Variants in LRMDA observed in about 807,000 individuals in gnomAD.
LRMDA encodes the protein leucine rich melanocyte differentiation associated.
In LRMDA, 18 loss-of-function variants were observed where a neutral mutation model predicts 29.8. The ratio of observed to expected loss-of-function variants is 0.60; its 90% CI spans 0.42 to 0.90. The LOEUF is 0.90. LRMDA is among the 40% of genes least tolerant of loss of function. The probability of loss-of-function intolerance (pLI) is 0.00; values close to 1 mark genes in which losing one functional copy is unlikely to be tolerated. For synonymous variants in LRMDA, 125 were observed against 109.4 expected (o/e 1.14, Z -0.89); for missense variants, 273 against 273.9 (o/e 1.00, Z 0.02).
At chr10:76,433,590 G>C (rs1245886217) in intron 6 of LRMDA, 2 of 152,208 alleles carry the variant, frequency 1.3e-5, no homozygotes, top group African/African-American at 4.8e-5. Context: ...TTCTGTGAAA[G>C]ACCAAAGACT....
intron 6 of LRMDA, among the ~76,000 whole-genome samples, chr10:76,390,125 A>G (rs1384120363): frequency 6.6e-6 from 1 of 152,146 alleles, no homozygotes; most frequent in Non-Finnish European, 1.5e-5. Context: ...CATGATTCCA[A>G]TTATTCCACA....
chr10:76,214,909 G>GA (rs754786085), intron 5 of LRMDA, among the ~76,000 whole-genome samples: 2 of 152,198 alleles, frequency 1.3e-5, no homozygotes, highest in Non-Finnish European at 2.9e-5. Context: ...GGGAACAGCA[G>GA]AACTCTCCAT....
chr10:76,082,739 T>G (rs1473047748), intron 5 of LRMDA, among the ~76,000 whole-genome samples: 1 of 152,214 alleles, frequency 6.6e-6, no homozygotes, highest in Admixed American at 6.5e-5. Context: ...CATGCCCTAC[T>G]GGTAGAGTTA....
At chr10:76,370,933 C>G (rs917685482) in intron 6 of LRMDA, among the ~76,000 whole-genome samples, 9 of 152,020 alleles carry the variant, frequency 5.9e-5, no homozygotes, top group African/African-American at 1.9e-4. Flanking sequence ...CCTCTACAGA[C>G]AAAGGGGGAC....
At chr10:76,063,080 T>G (rs1848728863) in intron 5 of LRMDA, among the ~76,000 whole-genome samples, 1 of 152,234 alleles carries the variant, frequency 6.6e-6, no homozygotes, top group African/African-American at 2.4e-5. Context: ...TTCTTTGACA[T>G]AATTATTTAA....
At chr10:75,758,270 C>T (rs1286085635) in intron 2 of LRMDA, among the ~76,000 whole-genome samples, 2 of 152,236 alleles carry the variant, frequency 1.3e-5, no homozygotes, top group East Asian at 1.9e-4. Context: ...GAAGGGCCAG[C>T]TGGGCTCCCT....
At chr10:76,191,199 A>C (rs1291150379) in intron 5 of LRMDA, among the ~76,000 whole-genome samples, 1 of 152,182 alleles carries the variant, frequency 6.6e-6, no homozygotes, top group South Asian at 2.1e-4. Flanking sequence ...TCAGAGCTGT[A>C]ATGGCGGTAA....
At chr10:75,508,211 C>G (rs997788793) in intron 2 of LRMDA, among the ~76,000 whole-genome samples, 2 of 152,186 alleles carry the variant, frequency 1.3e-5, no homozygotes, top group Middle Eastern at 3.4e-3. Context: ...CTGGCTTGGC[C>G]CTTTTGATAC....
chr10:75,816,378 G>A (rs977990374), intron 2 of LRMDA, among the ~76,000 whole-genome samples: 2 of 152,128 alleles, frequency 1.3e-5, no homozygotes, highest in Non-Finnish European at 2.9e-5. Flanking sequence ...TGACTGCCAT[G>A]TTGTGCTGTG....
chr10:76,168,345 A>G (rs1032690322), intron 5 of LRMDA, among the ~76,000 whole-genome samples: 1 of 151,344 alleles, frequency 6.6e-6, no homozygotes, highest in African/African-American at 2.5e-5. Flanking sequence ...CAGATTTCCT[A>G]TGTTGATTGG....
rs188247578 is a variant in LRMDA at position 75,856,238 on chromosome 10, C to A, written c.132-179770C>A. ...CATTTGTTTGTATCCTCTTTTATTT[C>A]ATTGAGCAGTGGTTTGTAGTTCTCC... On this transcript the variant is annotated intron_variant, in intron 2 of 6. Coordinates refer to ENST00000611255, the MANE Select transcript of LRMDA (RefSeq NM_001305581.2). Among the ~76,000 whole-genome samples the A allele has an allele frequency of 6.0e-4, 91 of 152,274 alleles. 1 individual carries two copies. The East Asian group carries it at 0.015, about 25-fold the overall frequency.
At chr10:75,986,895 T>C (rs1992011) in intron 2 of LRMDA, among the ~76,000 whole-genome samples, 62,649 of 152,092 alleles carry the variant, frequency 0.41, 13,407 homozygotes, top group Middle Eastern at 0.46. Flanking sequence ...ACTTTACTGG[T>C]ATCATCATCT....
chr10:75,431,804 A>C (rs945976903), intron 1 of LRMDA, 50 bp downstream of exon 1: 1 of 1,310,508 alleles, frequency 7.6e-7, no homozygotes, highest in African/African-American at 1.5e-5. Context: ...CCGCGTGGGG[A>C]GGGACAGCGG....
intron 2 of LRMDA, among the ~76,000 whole-genome samples, chr10:75,747,900 A>G (rs1454420038): frequency 6.6e-6 from 1 of 152,192 alleles, no homozygotes; most frequent in Non-Finnish European, 1.5e-5. Flanking sequence ...AAGTAAAACA[A>G]GAATACCATT....
chr10:76,427,998 C>T (rs932944846), intron 6 of LRMDA, among the ~76,000 whole-genome samples: 3 of 152,046 alleles, frequency 2.0e-5, no homozygotes, highest in Non-Finnish European at 4.4e-5. Flanking sequence ...CTCCTGGATT[C>T]GGTTTGCCAG....
At chr10:75,508,274 T>C (rs1055031006) in intron 2 of LRMDA, among the ~76,000 whole-genome samples, 1 of 151,950 alleles carries the variant, frequency 6.6e-6, no homozygotes, top group Non-Finnish European at 1.5e-5. Flanking sequence ...TTTCCCCCCC[T>C]CTCCCTTCCA....
At chr10:75,931,939 G>A (rs1846212375) in intron 2 of LRMDA, among the ~76,000 whole-genome samples, 1 of 152,156 alleles carries the variant, frequency 6.6e-6, no homozygotes, top group Admixed American at 6.5e-5. Flanking sequence ...GCTATGTTAG[G>A]TCACGAAATC....
chr10:76,226,601 C>G (rs999612757), intron 5 of LRMDA, among the ~76,000 whole-genome samples: 6 of 151,888 alleles, frequency 4.0e-5, no homozygotes, highest in African/African-American at 1.4e-4. Flanking sequence ...GAAAAGAAAA[C>G]AAAACAAAAC....
intron 2 of LRMDA, among the ~76,000 whole-genome samples, chr10:75,715,318 T>C (rs1842486823): frequency 6.6e-6 from 1 of 152,220 alleles, no homozygotes; most frequent in South Asian, 2.1e-4. Context: ...TTCAATCATT[T>C]TTCCTTATTA....
Sources: gnomAD v4.1 joint callset for allele counts (sites outside exome capture counted in the v4.1 genomes callset) on GRCh38, gnomAD v4.1.1 for gene constraint, MANE v1.5 for transcripts, NCBI Gene and HGNC (gene_info 2026-07-23, HGNC 2026-07-21) for gene names.